GPC5: variants seen among roughly 807,000 people sequenced by gnomAD.
GPC5 encodes glypican-5.
A neutral mutation model predicts 53.9 loss-of-function variants in GPC5; 47 were observed. That is an observed-to-expected ratio of 0.87 (90% CI 0.69 to 1.11). The LOEUF (loss-of-function observed/expected upper bound fraction) is 1.11, where lower values mean the gene tolerates loss of function less well. Among genes scored for constraint, GPC5 ranks in the 50% most tolerant of loss-of-function variants. The probability of loss-of-function intolerance (pLI) is 0.00; values close to 1 mark genes in which losing one functional copy is unlikely to be tolerated. For missense variants in GPC5, 748 were observed against 713.1 expected (o/e 1.05, Z -0.56); for synonymous variants, 286 against 263.3 (o/e 1.09, Z -0.84).
chr13:92,136,241 G>A (rs1022530206), intron 6 of GPC5, among the ~76,000 whole-genome samples: 3 of 152,014 alleles, frequency 2.0e-5, no homozygotes, highest in African/African-American at 7.3e-5. Flanking sequence ...AGCTTTTGTT[G>A]CTTTCCTATT....
intron 5 of GPC5, among the ~76,000 whole-genome samples, chr13:91,894,134 C>T (rs2039416761): frequency 6.6e-6 from 1 of 152,076 alleles, no homozygotes; most frequent in Non-Finnish European, 1.5e-5. Context: ...TTCCATCACC[C>T]TAAGCAATTG....
chr13:92,865,244 T>A (rs1879302901), intron 7 of GPC5, among the ~76,000 whole-genome samples: 1 of 152,176 alleles, frequency 6.6e-6, no homozygotes, highest in African/African-American at 2.4e-5. Context: ...CGCTTTTTTT[T>A]AAATGAAACA....
chr13:91,645,290 A>G (rs2034531866), intron 2 of GPC5, among the ~76,000 whole-genome samples: 1 of 152,118 alleles, frequency 6.6e-6, no homozygotes, highest in African/African-American at 2.4e-5. Flanking sequence ...TGAAACCTGT[A>G]CTTGATTTCA....
At position 91,474,891 on chromosome 13, in the gene GPC5, T is replaced by A. The variant is rs1335916297; in HGVS notation, c.325+25969T>A. On this transcript the variant is annotated intron_variant, in intron 2 of 7. Transcript: ENST00000377067. ...ATTGGATATTTACTATGGGTGACAC[T>A]ACTATTAAAGTATATAGCATTTAAG... Among the ~76,000 whole-genome samples the A allele has an allele frequency of 8.5e-5, 13 of 152,308 alleles. No homozygotes were observed. In the South Asian group the frequency reaches 2.7e-3, roughly 32 times the overall value.
intron 6 of GPC5, among the ~76,000 whole-genome samples, chr13:91,948,219 C>T (rs959624928): frequency 1.2e-5 from 1 of 82,816 alleles, no homozygotes; most frequent in Non-Finnish European, 2.4e-5. Flanking sequence ...CAGAGGGAGA[C>T]TCTGTCTCAA....
chr13:91,875,598 T>C (rs1349438267), intron 5 of GPC5, among the ~76,000 whole-genome samples: 1 of 152,242 alleles, frequency 6.6e-6, no homozygotes, highest in Non-Finnish European at 1.5e-5. Context: ...TCTCCATTTC[T>C]GTTTTATAGG....
intron 2 of GPC5, among the ~76,000 whole-genome samples, chr13:91,609,143 C>G (rs1046405648): frequency 1.3e-5 from 2 of 150,140 alleles, no homozygotes; most frequent in African/African-American, 4.9e-5. Context: ...GAGGTTCTAT[C>G]ACTGCAAATT....
At chr13:92,130,899 T>C (rs1226705880) in intron 6 of GPC5, among the ~76,000 whole-genome samples, 1 of 151,272 alleles carries the variant, frequency 6.6e-6, no homozygotes, top group Non-Finnish European at 1.5e-5. Context: ...AGATGAAAAA[T>C]AAATAATTAT....
chr13:92,751,534 A>T (rs1889398559), intron 7 of GPC5, among the ~76,000 whole-genome samples: 1 of 147,632 alleles, frequency 6.8e-6, no homozygotes, highest in South Asian at 2.2e-4. Flanking sequence ...ACCTTTCGGT[A>T]ACACATGAGT....
At chr13:92,587,689 A>G (rs1366283447) in intron 7 of GPC5, among the ~76,000 whole-genome samples, 1 of 152,120 alleles carries the variant, frequency 6.6e-6, no homozygotes, top group African/African-American at 2.4e-5. Context: ...AAAGAAAAAT[A>G]AAAATATAGA....
intron 7 of GPC5, among the ~76,000 whole-genome samples, chr13:92,598,745 G>T (rs942090204): frequency 6.6e-6 from 1 of 152,160 alleles, no homozygotes; most frequent in Non-Finnish European, 1.5e-5. Context: ...TACCAGGAAA[G>T]ACTTTAAACG....
chr13:92,368,277 T>G (rs1041750472), intron 7 of GPC5, among the ~76,000 whole-genome samples: 2 of 149,148 alleles, frequency 1.3e-5, no homozygotes, highest in South Asian at 2.3e-4. Flanking sequence ...GAGCCACCAC[T>G]CCCAGCCCTA....
chr13:91,910,923 A>G (rs1377458726), intron 6 of GPC5, among the ~76,000 whole-genome samples: 3 of 152,134 alleles, frequency 2.0e-5, no homozygotes, highest in Middle Eastern at 3.2e-3. Context: ...AAACAAACCA[A>G]ACAGGATGAG....
intron 5 of GPC5, among the ~76,000 whole-genome samples, chr13:91,848,060 T>C (rs374743635): frequency 6.6e-6 from 1 of 152,194 alleles, no homozygotes; most frequent in African/African-American, 2.4e-5. Context: ...GTGATAAAAA[T>C]CAGTTCACAG....
intron 6 of GPC5, among the ~76,000 whole-genome samples, chr13:91,956,403 G>T (rs757207442): frequency 6.6e-6 from 1 of 152,092 alleles, no homozygotes; most frequent in East Asian, 1.9e-4. Flanking sequence ...GAGGCACAGG[G>T]TTTTCCTGCC....
intron 7 of GPC5, among the ~76,000 whole-genome samples, chr13:92,378,019 C>T (rs1455453896): frequency 6.6e-6 from 1 of 152,096 alleles, no homozygotes; most frequent in African/African-American, 2.4e-5. Context: ...CTCTCTCTTT[C>T]TCTTTACCAT....
chr13:92,266,167 C>A (rs1409436827), intron 7 of GPC5, among the ~76,000 whole-genome samples: 2 of 152,160 alleles, frequency 1.3e-5, no homozygotes, highest in Non-Finnish European at 1.5e-5. Context: ...GCATTTAAAG[C>A]ATAACTGGGT....
intron 7 of GPC5, among the ~76,000 whole-genome samples, chr13:92,750,323 C>G (rs1049722510): frequency 4.6e-5 from 7 of 152,046 alleles, no homozygotes; most frequent in African/African-American, 1.4e-4. Flanking sequence ...TTTGTCTTGT[C>G]TCTCTTGATA....
chr13:91,478,049 A>G (rs1415046934), intron 2 of GPC5, among the ~76,000 whole-genome samples: 1 of 152,076 alleles, frequency 6.6e-6, no homozygotes, highest in Non-Finnish European at 1.5e-5. Context: ...AAACAGATTC[A>G]TATTTAGATG....
Sources: gnomAD v4.1 joint callset for allele counts (sites outside exome capture counted in the v4.1 genomes callset) on GRCh38, gnomAD v4.1.1 for gene constraint, MANE v1.5 for transcripts, NCBI Gene and HGNC (gene_info 2026-07-23, HGNC 2026-07-21) for gene names.